Variants in TMTC2 observed in about 807,000 individuals in gnomAD.
TMTC2 encodes the protein protein O-mannosyl-transferase TMTC2.
Under a neutral mutation model 82.4 loss-of-function variants are expected in TMTC2, and 43 were observed. The observed-to-expected ratio is 0.52, with a 90% CI of 0.41 to 0.67. TMTC2 has a LOEUF of 0.67. TMTC2 is among the 30% of genes least tolerant of loss of function. The pLI, the probability that TMTC2 is intolerant of heterozygous loss-of-function variation, is 0.00. For synonymous variants in TMTC2, 408 were observed against 381.9 expected (o/e 1.07, Z -0.80); for missense variants, 919 against 1,012.4 (o/e 0.91, Z 1.25).
intron 4 of TMTC2, among the ~76,000 whole-genome samples, chr12:82,940,738 T>C (rs566947669): frequency 1.5e-5 from 2 of 131,684 alleles, no homozygotes; most frequent in African/African-American, 5.8e-5. Flanking sequence ...CCCACCTTTT[T>C]TGCATAATAC....
At chr12:82,953,306 C>T (rs1877444618) in intron 4 of TMTC2, among the ~76,000 whole-genome samples, 1 of 152,192 alleles carries the variant, frequency 6.6e-6, no homozygotes, top group Non-Finnish European at 1.5e-5. Flanking sequence ...ATATTAGTTA[C>T]TTAATTCCTA....
intron 2 of TMTC2, among the ~76,000 whole-genome samples, chr12:82,881,227 A>G (rs1216070414): frequency 6.6e-6 from 1 of 152,244 alleles, no homozygotes; most frequent in African/African-American, 2.4e-5. Context: ...AGTAAGATCA[A>G]ACTTTTGGGT....
At chr12:83,037,464 A>G (rs1881707409) in intron 9 of TMTC2, among the ~76,000 whole-genome samples, 2 of 152,220 alleles carry the variant, frequency 1.3e-5, no homozygotes. Flanking sequence ...GCAAAATTAC[A>G]TTGAGATTAC....
chr12:82,844,949 C>CG (rs921289975), intron 1 of TMTC2, among the ~76,000 whole-genome samples: 8 of 151,302 alleles, frequency 5.3e-5, no homozygotes, highest in Admixed American at 2.6e-4. Context: ...TGTAAGGGGC[C>CG]GGGTGCGGTG....
chr12:83,000,008 A>G (rs1879843654), intron 8 of TMTC2, among the ~76,000 whole-genome samples: 2 of 152,246 alleles, frequency 1.3e-5, no homozygotes, highest in Admixed American at 1.3e-4. Flanking sequence ...TAAAATCAAA[A>G]GCAAGTTAGT....
chr12:82,991,440 G>A lies in TMTC2; in HGVS notation c.2070+5394G>A, dbSNP rs145584191. Among the ~76,000 whole-genome samples, 67 of 152,150 alleles carry A rather than the reference G, an allele frequency of 4.4e-4. No homozygotes were observed. In the East Asian group the frequency reaches 0.013, roughly 28 times the overall value. On this transcript the variant is annotated intron_variant, in intron 8 of 11. Coordinates refer to ENST00000321196, the MANE Select transcript of TMTC2 (RefSeq NM_152588.3). The stretch of plus-strand genomic sequence containing the variant: ...GTGGTTAAACAGAATTTTATTATTA[G>A]GCATGATAGGTCATGAACATAAGAC...
chr12:82,786,376 A>T (rs1430254685), intron 1 of TMTC2, among the ~76,000 whole-genome samples: 1 of 152,114 alleles, frequency 6.6e-6, no homozygotes, highest in Non-Finnish European at 1.5e-5. Flanking sequence ...GGTATAGTAC[A>T]TTATATGTTG....
At chr12:82,755,503 T>G (rs773585699) in intron 1 of TMTC2, among the ~76,000 whole-genome samples, 61 of 152,256 alleles carry the variant, frequency 4.0e-4, no homozygotes, top group Non-Finnish European at 8.2e-4. Context: ...TTGTTGAAAT[T>G]ATTTAAAAGA....
At chr12:82,917,519 T>C (rs567386016) in intron 3 of TMTC2, among the ~76,000 whole-genome samples, 9 of 152,136 alleles carry the variant, frequency 5.9e-5, no homozygotes, top group Non-Finnish European at 1.0e-4. Flanking sequence ...GATGATAATG[T>C]AAGCTCATTT....
At chr12:82,991,156 A>G (rs924053377) in intron 8 of TMTC2, among the ~76,000 whole-genome samples, 22 of 152,310 alleles carry the variant, frequency 1.4e-4, no homozygotes, top group Non-Finnish European at 2.6e-4. Flanking sequence ...TTTCACTACT[A>G]AACAGTAGAA....
intron 3 of TMTC2, among the ~76,000 whole-genome samples, chr12:82,897,085 C>A (rs1873726731): frequency 6.6e-6 from 1 of 152,132 alleles, no homozygotes; most frequent in Non-Finnish European, 1.5e-5. Flanking sequence ...TCATTGAAAC[C>A]TTTAAAAGAT....
intron 2 of TMTC2, among the ~76,000 whole-genome samples, chr12:82,878,512 G>A (rs779093787): frequency 3.9e-5 from 6 of 152,156 alleles, no homozygotes; most frequent in Non-Finnish European, 8.8e-5. Context: ...TGACAATAAT[G>A]GGTGGATGGA....
chr12:82,707,782 T>C (rs549861529), intron 1 of TMTC2, among the ~76,000 whole-genome samples: 2 of 152,316 alleles, frequency 1.3e-5, no homozygotes, highest in East Asian at 3.9e-4. Context: ...AAGGTATTCT[T>C]GGAAGGTGGG....
chr12:82,946,943 A>G (rs981569961), intron 4 of TMTC2, among the ~76,000 whole-genome samples: 1 of 151,948 alleles, frequency 6.6e-6, no homozygotes, highest in South Asian at 2.1e-4. Flanking sequence ...GGGGTTTCGC[A>G]GTGTTAGCCA....
intron 1 of TMTC2, among the ~76,000 whole-genome samples, chr12:82,721,846 T>C (rs2136927423): frequency 6.6e-6 from 1 of 152,360 alleles, no homozygotes; most frequent in East Asian, 1.9e-4. Context: ...TGTGTTTGCC[T>C]CTTCATGAGT....
chr12:82,735,672 A>G (rs1378314151), intron 1 of TMTC2, among the ~76,000 whole-genome samples: 5 of 142,936 alleles, frequency 3.5e-5, no homozygotes, highest in Non-Finnish European at 6.1e-5. Context: ...TTAAAGATGT[A>G]TTCATTTATC....
intron 1 of TMTC2, among the ~76,000 whole-genome samples, chr12:82,773,184 T>TA (rs1389839435): frequency 6.6e-6 from 1 of 152,196 alleles, no homozygotes. Flanking sequence ...CTGAGTTAGT[T>TA]ATATTGGTTG....
intron 2 of TMTC2, among the ~76,000 whole-genome samples, chr12:82,883,098 C>T (rs564814953): frequency 8.9e-4 from 131 of 148,000 alleles, no homozygotes; most frequent in Non-Finnish European, 1.7e-3. Flanking sequence ...ACCTTATAGT[C>T]GGCCTCAGTT....
chr12:82,840,450 T>C (rs1870270449), intron 1 of TMTC2, among the ~76,000 whole-genome samples: 2 of 152,264 alleles, frequency 1.3e-5, no homozygotes, highest in African/African-American at 4.8e-5. Context: ...TCTTCCATTC[T>C]TATGTTTAAA....
Sources: allele counts gnomAD v4.1 joint callset (sites outside exome capture counted in the v4.1 genomes callset), GRCh38; gene constraint gnomAD v4.1.1; transcripts MANE v1.5; gene names NCBI Gene and HGNC (gene_info 2026-07-23, HGNC 2026-07-21).